The following TASOR2 variants were observed in gnomAD, a reference collection of about 807,000 sequenced individuals.
TASOR2 encodes the protein protein TASOR 2.
TASOR2 carries 84 observed loss-of-function variants against 199.5 expected under a neutral mutation model. The ratio of observed to expected loss-of-function variants is 0.42; its 90% CI spans 0.35 to 0.50. The LOEUF is 0.50. Ranked by LOEUF, TASOR2 falls within the 20% of genes least tolerant of loss-of-function variation. TASOR2 has a pLI of 0.02. For synonymous variants in TASOR2, 1,103 were observed against 1,046.6 expected (o/e 1.05, Z -1.04); for missense variants, 2,796 against 2,835.9 (o/e 0.99, Z 0.32).
At chr10:5,700,238 G>C (rs1837645097) in intron 1 of TASOR2, among the ~76,000 whole-genome samples, 1 of 151,962 alleles carries the variant, frequency 6.6e-6, no homozygotes, top group East Asian at 1.9e-4. Flanking sequence ...AAGACCTACA[G>C]TTGCATCAGT....
chr10:5,707,654 TTC>T (rs55766705), intron 1 of TASOR2, among the ~76,000 whole-genome samples: 255 of 135,060 alleles, frequency 1.9e-3, no homozygotes, highest in Non-Finnish European at 1.7e-3. Flanking sequence ...CTCATTCTCT[TTC>T]TCTCTCTCTC....
chr10:5,726,571 G>A lies in TASOR2; in HGVS notation c.352-314G>A, dbSNP rs528367803. Among the ~76,000 whole-genome samples the A allele has an allele frequency of 1.2e-4, 19 of 152,252 alleles. 1 individual carries two copies. In the South Asian group the frequency reaches 3.9e-3, roughly 32 times the overall value. On this transcript the variant is annotated intron_variant, in intron 8 of 20. Coordinates refer to ENST00000328090, the Ensembl canonical transcript of TASOR2. ...TACATGGTAACATATTGGCTGTTTA[G>A]GCAGTGGTATGAAATGTCAGCTGTC...
Position 5,719,878 on chromosome 10 carries a change from C to T in TASOR2, c.-99-666C>T, listed in dbSNP as rs1833142423. ...CATCTTTTGAAATTTTAGATTTTGT[C>T]CTCTTTTACATTACAGTCACCAAAG... On this transcript the variant is annotated intron_variant, in intron 3 of 20. Transcript: ENST00000328090. This position sits in a 1 kb window ranked among gnomAD's most constrained non-coding sequence, Gnocchi z 4.1. Among the ~76,000 whole-genome samples the T allele has an allele frequency of 1.3e-5, 2 of 152,098 alleles. No individual in the cohort carries two copies. Among genetic ancestry groups the T allele is most frequent in the South Asian group, 4.1e-4 (2 of 4,824 alleles).
At chr10:5,724,454 A>T in exon 8 of TASOR2, 8 of 1,545,030 alleles carry the variant, frequency 5.2e-6, no homozygotes, top group Non-Finnish European at 7.0e-6. Context: ...TTGTGCTTCA[A>T]TTTGTATGAG....
chr10:5,763,019 G>A lies in TASOR2; in HGVS notation c.7290-10G>A. 2 of 1,610,790 alleles carry A rather than the reference G, an allele frequency of 1.2e-6. No homozygotes were observed. Among genetic ancestry groups the A allele is most frequent in the South Asian group, 2.2e-5 (2 of 90,288 alleles). ...TTAAGAAGTTCTTTATCAATTTTGT[G>A]TTTCTTCAGGTGACTCAACTACAGC... On this transcript the variant is annotated splice_polypyrimidine_tract_variant and intron_variant, in intron 20 of 20. Coordinates refer to ENST00000328090, the Ensembl canonical transcript of TASOR2.
Position 5,699,839 on chromosome 10 carries a change from C to G in TASOR2, c.-287-12984C>G. 5 of 610,288 alleles carry G rather than the reference C, an allele frequency of 8.2e-6. No homozygotes were observed. The highest frequency in any genetic ancestry group is 4.0e-5 in the African/African-American group (2 of 49,988). The allele number at this position is 610,288 out of a possible 1,614,324, so 37.8% of individuals were successfully genotyped here. The stretch of plus-strand genomic sequence containing the variant: ...AGGTACACATTTATTTTTATTGATG[C>G]GTAATAGATGTACACAGTTTTAGGA... On this transcript the variant is annotated intron_variant, in intron 1 of 20. Coordinates refer to ENST00000328090, the Ensembl canonical transcript of TASOR2. The surrounding 1 kb of genome is among the most constrained non-coding windows in gnomAD (Gnocchi z 4.1).
At chr10:5,763,619 A>T (rs963371403) in exon 21 of TASOR2, 4 of 152,174 alleles carry the variant, frequency 2.6e-5, no homozygotes, top group African/African-American at 9.7e-5. Context: ...GATATTGAAA[A>T]TTTCTACAGT....
intron 6 of TASOR2, 92 bp downstream of exon 7, chr10:5,721,062 T>A: frequency 1.1e-6 from 1 of 925,278 alleles, no homozygotes; most frequent in Non-Finnish European, 1.7e-6. Flanking sequence ...GGCATTGGTG[T>A]AAAATACAGC....
At chr10:5,758,771 A>G (rs1564373026) in intron 17 of TASOR2, 116 bp from the exon 19 acceptor site, 3 of 720,292 alleles carry the variant, frequency 4.2e-6, no homozygotes, top group Admixed American at 2.5e-5. Context: ...TGTGTACTCA[A>G]CCATGGGTCT....
At chr10:5,692,802 T>C (rs907760181) in intron 1 of TASOR2, 2 of 152,102 alleles carry the variant, frequency 1.3e-5, no homozygotes, top group African/African-American at 2.4e-5. Context: ...CCCTACACGC[T>C]CAGCACGCCC....
chr10:5,704,548 A>G (rs747520547), intron 1 of TASOR2, among the ~76,000 whole-genome samples: 2 of 152,182 alleles, frequency 1.3e-5, no homozygotes, highest in Non-Finnish European at 2.9e-5. Flanking sequence ...ATATATCAAT[A>G]TTTTTTGTCA....
chr10:5,711,810 A>G (rs1028673006), intron 1 of TASOR2, among the ~76,000 whole-genome samples: 3 of 152,156 alleles, frequency 2.0e-5, no homozygotes, highest in African/African-American at 7.2e-5. Context: ...AAGTGATTTT[A>G]TAATACAACT....
At chr10:5,762,859 C>CTATT in intron 20 of TASOR2, 170 bp from the exon 22 acceptor site, 1 of 649,970 alleles carries the variant, frequency 1.5e-6, no homozygotes, top group Non-Finnish European at 2.6e-6. Flanking sequence ...CTAAAATTAC[C>CTATT]TATTTTATCT....
intron 2 of TASOR2, among the ~76,000 whole-genome samples, chr10:5,713,420 G>A (rs1832174645): frequency 6.6e-6 from 1 of 152,134 alleles, no homozygotes; most frequent in Non-Finnish European, 1.5e-5. Context: ...AAAGGACCGT[G>A]TACAGGGTAG....
rs758328262 is a variant in TASOR2 at position 5,730,689 on chromosome 10, G to A, written c.690G>A (p.Met230Ile). Residue 230 changes from methionine to isoleucine, a missense_variant, in exon 11 of 21, where the codon ATG (methionine) becomes ATA (isoleucine). Met to Ile is a conservative substitution (Grantham distance 10, BLOSUM62 1). Coordinates refer to ENST00000328090, the Ensembl canonical transcript of TASOR2. This position sits in a 1 kb window ranked among gnomAD's most constrained non-coding sequence, Gnocchi z 4.1. ...TGAGTGTTGCTCCTCAGGATAGAAT[G>A]AAAGACCCTACATTCTTGGGGAAAC... The A allele has an allele frequency of 5.0e-6, 8 of 1,614,056 alleles. No individual in the cohort carries two copies. The highest frequency in any genetic ancestry group is 4.0e-5 in the African/African-American group (3 of 74,914).
At chr10:5,725,390 C>CAAAAAAA (rs59186946) in intron 8 of TASOR2, among the ~76,000 whole-genome samples, 1 of 78,970 alleles carries the variant, frequency 1.3e-5, no homozygotes, top group African/African-American at 6.1e-5. Context: ...GACTCCATCT[C>CAAAAAAA]AAAAAAAAAA....
intron 17 of TASOR2, among the ~76,000 whole-genome samples, chr10:5,758,300 G>A (rs755492246): frequency 3.9e-5 from 6 of 152,090 alleles, no homozygotes; most frequent in Admixed American, 1.3e-4. Context: ...CAACACTTTG[G>A]GAGGCCAAGG....
At chr10:5,686,458 T>G (rs536840352) in intron 1 of TASOR2, among the ~76,000 whole-genome samples, 1 of 152,342 alleles carries the variant, frequency 6.6e-6, no homozygotes, top group South Asian at 2.1e-4. Context: ...ACATTCAAGT[T>G]ATTTTCAAGA....
At position 5,719,226 on chromosome 10, in the gene TASOR2, TATAAG is replaced by T. The variant is rs1288833136; in HGVS notation, c.-99-1317_-99-1313del. On this transcript the variant is annotated intron_variant, in intron 3 of 20. Coordinates refer to ENST00000328090, the Ensembl canonical transcript of TASOR2. The surrounding 1 kb of genome is among the most constrained non-coding windows in gnomAD (Gnocchi z 4.1). ...CCTATAGTCCCATATCCCATTTTGA[TATAAG>T]TTAATAACATCTTGTGAACATTGTC... 6.6e-6 allele frequency among the ~76,000 whole-genome samples: 1 copy of T among 152,244 alleles called. No homozygotes were observed. Among genetic ancestry groups the T allele is most frequent in the Admixed American group, 6.5e-5 (1 of 15,286 alleles).
Sources: gnomAD v4.1 joint callset for allele counts (sites outside exome capture counted in the v4.1 genomes callset) on GRCh38, gnomAD v4.1.1 for gene constraint, Gnocchi (gnomAD v3.1) non-coding constraint, MANE v1.5 for transcripts, NCBI Gene and HGNC (gene_info 2026-07-23, HGNC 2026-07-21) for gene names.